Variants in GLB1L3 observed in about 807,000 individuals in gnomAD.
GLB1L3 encodes galactosidase beta 1 like 3.
GLB1L3 carries 89 observed loss-of-function variants against 89.5 expected under a neutral mutation model. That is an observed-to-expected ratio of 0.99 (90% CI 0.84 to 1.19). The LOEUF is 1.19. GLB1L3 is among the 50% of genes most tolerant of loss of function. The pLI is 0.00. For synonymous variants in GLB1L3, 314 were observed against 312.3 expected (o/e 1.01, Z -0.06); for missense variants, 812 against 813.3 (o/e 1.00, Z 0.02).
At chr11:134,315,151 G>A (rs922576321) in intron 18 of GLB1L3, among the ~76,000 whole-genome samples, 6 of 152,144 alleles carry the variant, frequency 3.9e-5, no homozygotes, top group South Asian at 2.1e-4. Flanking sequence ...GCCATTTATC[G>A]ATGTTGCAGT....
In GLB1L3 at chr11:134,309,761, A is replaced by G. The variant is rs1183342030; in HGVS notation, c.1097A>G (p.Tyr366Cys). ...FGKHSGIVTS[Y>C]DYDAVLTEAG... ...AAGCACTCGGGCATTGTCACCAGCT[A>G]TGGCAAGTGTCGCTGGTGTAGTAGC... is the stretch of plus-strand genomic sequence containing the variant. The change falls in exon 11 of 20, where the codon TAT becomes TGT. Residue 366 changes from tyrosine (Y) to cysteine (C), a missense_variant and splice_region_variant. Physicochemically the swap from Tyr to Cys is radical, Grantham distance 194 (BLOSUM62 -2). Transcript: ENST00000431683. The G allele has an allele frequency of 3.7e-6, 6 of 1,612,966 alleles. No individual in the cohort carries two copies. The highest frequency in any genetic ancestry group is 2.7e-5 in the African/African-American group (2 of 74,910).
In GLB1L3 at chr11:134,292,020, G is replaced by A. The variant is rs535754733; in HGVS notation, c.730-112G>A. The stretch of plus-strand genomic sequence containing the variant: ...AAAAAGTAAAAACATATTTCTGACT[G>A]TGATTGCAGAATGCATGGATGCAGA... On this transcript the variant is annotated intron_variant, in intron 7 of 19. Transcript: ENST00000431683. 245 of 698,514 alleles carry A rather than the reference G, an allele frequency of 3.5e-4. 7 individuals are homozygous for A. Among genetic ancestry groups the A allele is most frequent in the South Asian group, 3.4e-3 (174 of 51,524 alleles). The allele number at this position is 698,514 out of a possible 1,614,324, so 43.3% of individuals were successfully genotyped here.
At chr11:134,311,402 C>T (rs974587758) in intron 13 of GLB1L3, 67 of 507,290 alleles carry the variant, frequency 1.3e-4, no homozygotes, top group Non-Finnish European at 1.9e-4. Flanking sequence ...CCCGGGTTCC[C>T]GCTTAGATGA....
At chr11:134,291,240 C>A (rs866238561) in intron 7 of GLB1L3, among the ~76,000 whole-genome samples, 2 of 151,466 alleles carry the variant, frequency 1.3e-5, no homozygotes, top group African/African-American at 4.9e-5. Context: ...TTGTGTGGCA[C>A]TTCCATGCAA....
intron 17 of GLB1L3, 89 bp downstream of exon 17, chr11:134,314,117 T>TAGAG: frequency 1.1e-6 from 1 of 932,730 alleles, no homozygotes; most frequent in Non-Finnish European, 1.7e-6. Flanking sequence ...GAGTCCAAGA[T>TAGAG]AGAGACTGAG....
chr11:134,308,835 C>T (rs1400441086), intron 10 of GLB1L3, among the ~76,000 whole-genome samples: 1 of 152,160 alleles, frequency 6.6e-6, no homozygotes, highest in Non-Finnish European at 1.5e-5. Flanking sequence ...GAAGCAGTGG[C>T]GTTGAGAAAG....
intron 13 of GLB1L3, 135 bp from the exon 14 acceptor site, chr11:134,312,214 A>T: frequency 1.0e-6 from 1 of 955,328 alleles, no homozygotes; most frequent in Non-Finnish European, 1.6e-6. Context: ...GCAGTGTCAC[A>T]TGGCATCTGT....
At chr11:134,280,159 G>A (rs1020494142) in intron 3 of GLB1L3, among the ~76,000 whole-genome samples, 4 of 151,438 alleles carry the variant, frequency 2.6e-5, no homozygotes, top group Non-Finnish European at 2.9e-5. Flanking sequence ...TTGGGAATAC[G>A]CTTTCTGTTT....
At chr11:134,292,014 C>G (rs1941388183) in intron 7 of GLB1L3, 118 bp from the exon 8 acceptor site, 1 of 681,434 alleles carries the variant, frequency 1.5e-6, no homozygotes, top group Non-Finnish European at 2.5e-6. Context: ...AAACATATTT[C>G]TGACTGTGAT....
chr11:134,283,846 G>A lies in GLB1L3; in HGVS notation c.636+1G>A. On this transcript the variant is annotated splice_donor_variant, in intron 6 of 19. Coordinates refer to ENST00000431683, the MANE Select transcript of GLB1L3 (RefSeq NM_001080407.3). LOFTEE classifies it high-confidence loss of function. ...GATTCCCAGAGTGATTCCTCTCCAG[G>A]TAAAGCCAAATTGTCCCCTGCATCT... 1 of 1,572,396 alleles carries A rather than the reference G, an allele frequency of 6.4e-7. No individual in the cohort carries two copies. Among genetic ancestry groups the A allele is most frequent in the Non-Finnish European group, 8.7e-7 (1 of 1,143,598 alleles).
At chr11:134,308,545 C>T (rs1300989961) in intron 10 of GLB1L3, among the ~76,000 whole-genome samples, 1 of 33,036 alleles carries the variant, frequency 3.0e-5, no homozygotes, top group Admixed American at 3.5e-4. Flanking sequence ...CCACCACCAT[C>T]ACCATCACCA....
rs1197125523 is a variant in GLB1L3 at position 134,313,442 on chromosome 11, A to G, written c.1547A>G (p.Asn516Ser). ...CTGGTGGAGAATCAAGGACGAGTCA[A>G]TTTTTCATGGCAAATACAGAATGAG... ...RILVENQGRV[N>S]FSWQIQNEQK... is the part of the protein sequence containing the mutation. Residue 516 changes from asparagine to serine, a missense_variant, in exon 16 of 20, where the codon AAT becomes AGT. Physicochemically the swap from Asn to Ser is conservative, Grantham distance 46 (BLOSUM62 1). Transcript: ENST00000431683. 4 of 1,581,838 alleles carry G rather than the reference A, an allele frequency of 2.5e-6. No homozygotes were observed. The highest frequency in any genetic ancestry group is 2.7e-5 in the African/African-American group (2 of 74,234).
chr11:134,283,819 C>T lies in GLB1L3; in HGVS notation c.610C>T (p.Leu204=). 1 of 1,610,672 alleles carries T rather than the reference C, an allele frequency of 6.2e-7. No individual in the cohort carries two copies. Among genetic ancestry groups the T allele is most frequent in the Non-Finnish European group, 8.5e-7 (1 of 1,177,498 alleles). The change falls in exon 6 of 20, where the codon CTG becomes TTG. Residue 204 remains leucine, a synonymous_variant. Coordinates refer to ENST00000431683, the MANE Select transcript of GLB1L3 (RefSeq NM_001080407.3). ...IEAVEKYFDH[L]IPRVIPLQYR... ...AGCAGTTGAGAAGTATTTTGACCAC[C>T]TGATTCCCAGAGTGATTCCTCTCCA...
rs755107575 is a variant in GLB1L3, at chr11:134,277,749, G to A, written c.199G>A (p.Gly67Arg). 3.1e-6 allele frequency: 5 copies of A among 1,613,354 alleles called. No individual in the cohort carries two copies. In the African/African-American group the frequency reaches 5.3e-5, roughly 17 times the overall value. Reference protein sequence around the residue: ...TPLELKNRSVGLGTESTGRGK... With the variant: ...TPLELKNRSVRLGTESTGRGK... The stretch of plus-strand genomic sequence containing the variant: ...TCTGGAGCTGAAGAATCGATCTGTG[G>A]GACTTGGAACTGAAAGCACAGGTCG... Residue 67 changes from glycine (G) to arginine (R), a missense_variant, in exon 3 of 20, where the codon GGA (glycine) becomes AGA (arginine). Around this residue, in one of 3 missense-constraint regions of GLB1L3, gnomAD observed 191 missense variants for 191.4 expected, o/e 1.00. Transcript: ENST00000431683.
chr11:134,293,180 G>T lies in GLB1L3; in HGVS notation c.847G>T (p.Asp283Tyr), dbSNP rs769731664. 1.9e-6 allele frequency: 3 copies of T among 1,613,848 alleles called. No homozygotes were observed. The South Asian group carries it at 3.3e-5, about 18-fold the overall frequency. Residue 283 changes from aspartate to tyrosine, a missense_variant, in exon 9 of 20, where the codon GAT (aspartate) becomes TAT (tyrosine). Asp to Tyr is a radical substitution (Grantham distance 160). This residue lies in a region of GLB1L3 where 618 missense variants were observed against 604.0 expected (regional missense o/e 1.02). Coordinates refer to ENST00000431683, the MANE Select transcript of GLB1L3 (RefSeq NM_001080407.3). Reference protein sequence around the residue: ...AAINLQKLHQDTFNQLHKVQR... With the variant: ...AAINLQKLHQYTFNQLHKVQR... ...CATCAATTTGCAAAAACTTCACCAG[G>T]ATACTTTCAATCAGCTTCATAAAGT...
In GLB1L3 at chr11:134,313,449, A is replaced by G. The variant is rs372490502; in HGVS notation, c.1554A>G (p.Ser518=). 37 of 1,579,722 alleles carry G rather than the reference A, an allele frequency of 2.3e-5. No individual in the cohort carries two copies. Among genetic ancestry groups the G allele is most frequent in the Non-Finnish European group, 2.6e-5 (30 of 1,162,224 alleles). ...AGAATCAAGGACGAGTCAATTTTTC[A>G]TGGCAAATACAGAATGAGCAGAAAG... ...LVENQGRVNF[S]WQIQNEQKGI... Residue 518 remains serine, a synonymous_variant, in exon 16 of 20, where the codon TCA becomes TCG. Coordinates refer to ENST00000431683, the MANE Select transcript of GLB1L3 (RefSeq NM_001080407.3).
intron 9 of GLB1L3, among the ~76,000 whole-genome samples, chr11:134,298,091 T>C (rs147742232): frequency 2.1e-3 from 316 of 152,016 alleles, no homozygotes; most frequent in Non-Finnish European, 4.0e-3. Context: ...TTTTATCCTC[T>C]GGCTACCTTT....
chr11:134,276,648 A>G lies in GLB1L3; in HGVS notation c.-93A>G. The G allele has an allele frequency of 8.6e-7, 1 of 1,169,304 alleles. No homozygotes were observed. 72.4% of individuals were successfully genotyped at this position (1,169,304 alleles called of 1,614,324 possible). Reference sequence around the variant, plus strand: ...CGCAGACCTGAGCCTGCCCCGCGGAACCGGGGCTCGAGTCCCGGCCCGAGC... The same window carrying G: ...CGCAGACCTGAGCCTGCCCCGCGGAGCCGGGGCTCGAGTCCCGGCCCGAGC... On this transcript the variant is annotated 5_prime_UTR_variant, in exon 1 of 20. Transcript: ENST00000431683.
intron 17 of GLB1L3, 36 bp from the exon 18 acceptor site, chr11:134,314,294 G>C (rs1942885509): frequency 7.0e-7 from 1 of 1,427,472 alleles, no homozygotes; most frequent in Non-Finnish European, 9.6e-7. Context: ...TTGGGAAGGG[G>C]ACTTCTTCTC....
Sources: gnomAD v4.1 joint callset for allele counts (sites outside exome capture counted in the v4.1 genomes callset) on GRCh38, gnomAD v4.1.1 for gene constraint, gnomAD v4.1.1 regional missense constraint, MANE v1.5 for transcripts, NCBI Gene and HGNC (gene_info 2026-07-23, HGNC 2026-07-21) for gene names.